Variants in NRXN3 observed in about 807,000 individuals in gnomAD.
NRXN3 encodes the protein neurexin III.
Under a neutral mutation model 137.6 loss-of-function variants are expected in NRXN3, and 32 were observed. That is an observed-to-expected ratio of 0.23 (90% CI 0.18 to 0.31). NRXN3 has a LOEUF of 0.31. NRXN3 is among the 10% of genes least tolerant of loss of function. The probability of loss-of-function intolerance (pLI) is 1.00; values close to 1 mark genes in which losing one functional copy is unlikely to be tolerated. For synonymous variants in NRXN3, 798 were observed against 784.5 expected, an observed-to-expected ratio of 1.02 and a Z score of -0.29; for missense variants, 1,574 against 2,062.5, an observed-to-expected ratio of 0.76 and a Z score of 4.59.
chr14:79,267,847 T>C (rs2042725453), intron 15 of NRXN3, among the ~76,000 whole-genome samples: 1 of 152,194 alleles, frequency 6.6e-6, no homozygotes, highest in African/African-American at 2.4e-5. Flanking sequence ...GGTATGACAT[T>C]GGGGACTGAT....
chr14:79,266,427 C>T (rs529828889), intron 15 of NRXN3, among the ~76,000 whole-genome samples: 1 of 151,842 alleles, frequency 6.6e-6, no homozygotes, highest in African/African-American at 2.4e-5. Context: ...AAGCTTTATG[C>T]TCATTATTGG....
intron 8 of NRXN3, among the ~76,000 whole-genome samples, chr14:78,792,256 GCA>G (rs1491378320): frequency 4.9e-4 from 1 of 2,034 alleles, no homozygotes; most frequent in Non-Finnish European, 8.6e-4. Flanking sequence ...TAGACTAAAG[GCA>G]AAAAAAAAAA....
intron 17 of NRXN3, among the ~76,000 whole-genome samples, chr14:79,669,749 T>A (rs573867215): frequency 6.6e-6 from 1 of 152,026 alleles, no homozygotes; most frequent in Non-Finnish European, 1.5e-5. Flanking sequence ...CAGCTTCCCC[T>A]GGGAGCTTGT....
At chr14:79,512,885 A>G (rs892481533) in intron 16 of NRXN3, among the ~76,000 whole-genome samples, 12 of 152,202 alleles carry the variant, frequency 7.9e-5, no homozygotes, top group African/African-American at 2.9e-4. Context: ...TACTTTTCCA[A>G]AAAGAGGTGG....
chr14:78,884,237 A>G (rs1463607882), intron 10 of NRXN3, among the ~76,000 whole-genome samples: 1 of 152,162 alleles, frequency 6.6e-6, no homozygotes, highest in Non-Finnish European at 1.5e-5. Flanking sequence ...GCCTTTCATA[A>G]GCAGAAAGCA....
At chr14:78,799,954 T>A (rs935853985) in intron 8 of NRXN3, among the ~76,000 whole-genome samples, 14 of 152,100 alleles carry the variant, frequency 9.2e-5, no homozygotes, top group African/African-American at 3.4e-4. Context: ...AAGATGAGGT[T>A]GGGGCGGGGA....
chr14:79,781,706 G>C (rs977444785), intron 19 of NRXN3, among the ~76,000 whole-genome samples: 1 of 152,210 alleles, frequency 6.6e-6, no homozygotes, highest in Non-Finnish European at 1.5e-5. Context: ...CAAACCTACT[G>C]TTGTGGAAGC....
chr14:78,809,590 G>A (rs554351293), intron 9 of NRXN3, among the ~76,000 whole-genome samples: 5 of 152,270 alleles, frequency 3.3e-5, no homozygotes, highest in East Asian at 3.9e-4. Flanking sequence ...GTGTTTGTGC[G>A]GTTAGCTGTT....
intron 6 of NRXN3, among the ~76,000 whole-genome samples, chr14:78,698,835 C>T (rs1201642227): frequency 6.6e-6 from 1 of 152,014 alleles, no homozygotes; most frequent in African/African-American, 2.4e-5. Context: ...TCAGTGGTTC[C>T]AAGAAATGCC....
chr14:78,228,741 A>C (rs1286431407), intron 1 of NRXN3, among the ~76,000 whole-genome samples: 1 of 152,116 alleles, frequency 6.6e-6, no homozygotes, highest in East Asian at 1.9e-4. Flanking sequence ...GTTTTATCTG[A>C]CTCTAGTCTA....
chr14:78,554,070 A>G (rs762038177), intron 4 of NRXN3, among the ~76,000 whole-genome samples: 14 of 152,274 alleles, frequency 9.2e-5, no homozygotes, highest in Admixed American at 3.9e-4. Flanking sequence ...GGTGGCAGAG[A>G]GTAAAAATAA....
chr14:79,052,770 G>A (rs1038413660), intron 15 of NRXN3, among the ~76,000 whole-genome samples: 4 of 152,116 alleles, frequency 2.6e-5, no homozygotes, highest in Admixed American at 1.3e-4. Flanking sequence ...GATTCACCTC[G>A]CCTGCCCATT....
intron 15 of NRXN3, among the ~76,000 whole-genome samples, chr14:79,060,635 G>A (rs2099673041): frequency 6.6e-6 from 1 of 152,066 alleles, no homozygotes. Context: ...TAAAAAGAAA[G>A]CACACATTTT....
intron 15 of NRXN3, among the ~76,000 whole-genome samples, chr14:79,036,898 G>T (rs2099617039): frequency 6.6e-6 from 1 of 152,034 alleles, no homozygotes; most frequent in South Asian, 2.1e-4. Context: ...CCTTATAAAT[G>T]ACAAAATTTC....
At chr14:78,351,857 G>T (rs1461179148) in intron 4 of NRXN3, among the ~76,000 whole-genome samples, 1 of 146,094 alleles carries the variant, frequency 6.8e-6, no homozygotes, top group African/African-American at 2.5e-5. Flanking sequence ...GCTCTCCATA[G>T]GTTGTATTTT....
chr14:78,686,903 G>A (rs1042660171), intron 6 of NRXN3, among the ~76,000 whole-genome samples: 2 of 152,146 alleles, frequency 1.3e-5, no homozygotes, highest in African/African-American at 4.8e-5. Context: ...GTAACAACAT[G>A]AGGGGTCCCT....
At chr14:78,965,900 T>C in intron 11 of NRXN3, 125 bp from the exon 12 acceptor site, 1 of 1,126,988 alleles carries the variant, frequency 8.9e-7, no homozygotes, top group Non-Finnish European at 1.3e-6. Flanking sequence ...TTTGGTTTTC[T>C]TGAACTCACC....
chr14:79,805,200 G>T lies in NRXN3; in HGVS notation c.4093+10G>T. On this transcript the variant is annotated intron_variant, in intron 20 of 20. Transcript: ENST00000335750. ...TGTGAGCCGAGTACAGGTAGGTCAG[G>T]TCAGTCTTATTTTGCTTGCTTTCTT... 1 of 1,611,712 alleles carries T rather than the reference G, an allele frequency of 6.2e-7. No homozygotes were observed. Among genetic ancestry groups the T allele is most frequent in the Non-Finnish European group, 8.5e-7 (1 of 1,178,272 alleles).
chr14:79,472,799 A>C (rs933403267), intron 16 of NRXN3, among the ~76,000 whole-genome samples: 9 of 152,148 alleles, frequency 5.9e-5, no homozygotes, highest in Middle Eastern at 3.2e-3. Context: ...AGGGAAAAAA[A>C]ACTGAATAGG....
Sources: gnomAD v4.1 joint callset for allele counts (sites outside exome capture counted in the v4.1 genomes callset) on GRCh38, gnomAD v4.1.1 for gene constraint, MANE v1.5 for transcripts, NCBI Gene and HGNC (gene_info 2026-07-23, HGNC 2026-07-21) for gene names.